The following SERPINI1 variants were observed in gnomAD, a reference collection of about 807,000 sequenced individuals.
SERPINI1 encodes neuroserpin.
In SERPINI1, 19 loss-of-function variants were observed where a neutral mutation model predicts 41.1. The observed-to-expected ratio is 0.46, with a 90% CI of 0.32 to 0.68. The LOEUF is 0.68. Ranked by LOEUF, SERPINI1 falls within the 30% of genes least tolerant of loss-of-function variation. The pLI is 0.03. For missense variants in SERPINI1, 460 were observed against 479.2 expected (o/e 0.96, Z 0.37); for synonymous variants, 138 against 156.6 (o/e 0.88, Z 0.89).
chr3:167,824,911 T>A (rs1712462277), intron 8 of SERPINI1, among the ~76,000 whole-genome samples: 1 of 152,070 alleles, frequency 6.6e-6, no homozygotes, highest in Non-Finnish European at 1.5e-5. Context: ...CCAGGCATGG[T>A]GGCACATGCC....
At chr3:167,763,101 A>G (rs1219869826) in intron 1 of SERPINI1, among the ~76,000 whole-genome samples, 1 of 152,146 alleles carries the variant, frequency 6.6e-6, no homozygotes, top group East Asian at 1.9e-4. Context: ...CATTCAGCAA[A>G]CATTGAGTGC....
At chr3:167,786,559 T>C (rs1194926554) in intron 1 of SERPINI1, among the ~76,000 whole-genome samples, 1 of 148,948 alleles carries the variant, frequency 6.7e-6, no homozygotes, top group Non-Finnish European at 1.5e-5. Flanking sequence ...GATGTACCTG[T>C]AAAGGACACT....
chr3:167,794,715 T>C lies in SERPINI1; in HGVS notation c.772T>C (p.Ser258Pro). 1 of 1,613,730 alleles carries C rather than the reference T, an allele frequency of 6.2e-7. No homozygotes were observed. Among genetic ancestry groups the C allele is most frequent in the Non-Finnish European group, 8.5e-7 (1 of 1,179,808 alleles). ...TGAAATAAGCATGATGCTGGTGCTG[T>C]CCAGACAGGAAGTTCCTCTTGCTAC... ...GDEISMMLVL[S>P]RQEVPLATLE... Residue 258 changes from serine (S) to proline (P), a missense_variant, in exon 5 of 9, where the codon TCC (serine) becomes CCC (proline). Ser to Pro is a moderately conservative substitution (Grantham distance 74). Transcript: ENST00000446050.
intron 1 of SERPINI1, among the ~76,000 whole-genome samples, chr3:167,770,834 T>G (rs1317543747): frequency 6.6e-6 from 1 of 152,196 alleles, no homozygotes; most frequent in Non-Finnish European, 1.5e-5. Context: ...CAGCTCTCAC[T>G]AACCTTTATT....
At chr3:167,745,293 A>G (rs970609647) in intron 1 of SERPINI1, among the ~76,000 whole-genome samples, 40 of 152,056 alleles carry the variant, frequency 2.6e-4, no homozygotes, top group African/African-American at 9.4e-4. Flanking sequence ...ATTACATACT[A>G]TATCAATGAA....
intron 6 of SERPINI1, among the ~76,000 whole-genome samples, chr3:167,817,842 G>A (rs1712164173): frequency 6.6e-6 from 1 of 151,776 alleles, no homozygotes; most frequent in African/African-American, 2.4e-5. Context: ...CTTGTAATCT[G>A]CCCACCTCGG....
intron 6 of SERPINI1, among the ~76,000 whole-genome samples, chr3:167,812,935 C>T (rs140610881): frequency 1.1e-3 from 161 of 152,258 alleles, no homozygotes; most frequent in Non-Finnish European, 1.6e-3. Context: ...AAATGGATGA[C>T]TGTCAGCATT....
chr3:167,750,909 G>A (rs1234157303), intron 1 of SERPINI1, among the ~76,000 whole-genome samples: 1 of 151,962 alleles, frequency 6.6e-6, no homozygotes, highest in African/African-American at 2.4e-5. Flanking sequence ...CTTCAACTAT[G>A]AATTCTCTTG....
intron 1 of SERPINI1, among the ~76,000 whole-genome samples, chr3:167,775,590 A>C (rs142279694): frequency 6.6e-6 from 1 of 152,280 alleles, no homozygotes; most frequent in African/African-American, 2.4e-5. Context: ...CAACTTTTAA[A>C]ATTTTATTAC....
chr3:167,749,186 T>A (rs1725963481), intron 1 of SERPINI1, among the ~76,000 whole-genome samples: 1 of 152,192 alleles, frequency 6.6e-6, no homozygotes, highest in African/African-American at 2.4e-5. Context: ...AAATACTGAA[T>A]CTCATTTCCT....
chr3:167,779,608 C>T (rs1727058514), intron 1 of SERPINI1, among the ~76,000 whole-genome samples: 1 of 152,088 alleles, frequency 6.6e-6, no homozygotes, highest in South Asian at 2.1e-4. Context: ...TTCGATAATA[C>T]CTAGTTTTCA....
At chr3:167,807,014 A>T (rs1577429507) in intron 5 of SERPINI1, among the ~76,000 whole-genome samples, 1 of 152,136 alleles carries the variant, frequency 6.6e-6, no homozygotes, top group Non-Finnish European at 1.5e-5. Flanking sequence ...TTGTGTCTAT[A>T]TCATATATTT....
intron 1 of SERPINI1, among the ~76,000 whole-genome samples, chr3:167,763,103 A>G (rs545062583): frequency 6.6e-6 from 1 of 152,246 alleles, no homozygotes; most frequent in East Asian, 1.9e-4. Flanking sequence ...TTCAGCAAAC[A>G]TTGAGTGCAG....
chr3:167,790,350 C>G, intron 2 of SERPINI1, 22 bp from the exon 3 acceptor site: 1 of 1,516,556 alleles, frequency 6.6e-7, no homozygotes, highest in Non-Finnish European at 9.2e-7. Context: ...TACAAATAAA[C>G]TTATCCTTTC....
At chr3:167,785,902 G>A (rs1727287247) in intron 1 of SERPINI1, among the ~76,000 whole-genome samples, 1 of 152,124 alleles carries the variant, frequency 6.6e-6, no homozygotes, top group Non-Finnish European at 1.5e-5. Context: ...TAATTGCTTG[G>A]TCTTACACAC....
Position 167,789,197 on chromosome 3 carries a change from G to C in SERPINI1, c.69G>C (p.Glu23Asp), listed in dbSNP as rs563633471. The C allele has an allele frequency of 6.2e-7, 1 of 1,614,148 alleles. No homozygotes were observed. The highest frequency in any genetic ancestry group is 1.1e-5 in the South Asian group (1 of 91,080). Residue 23 changes from glutamate (E) to aspartate (D), a missense_variant, in exon 2 of 9, where the codon GAG becomes GAC. Transcript: ENST00000446050. ...TGGCTACAGGGGCCACTTTCCCTGA[G>C]GAAGCCATTGCTGACTTGTCAGTGA... ...QSMATGATFP[E>D]EAIADLSVNM...
chr3:167,745,879 A>C (rs2108531694), intron 1 of SERPINI1, among the ~76,000 whole-genome samples: 1 of 152,312 alleles, frequency 6.6e-6, no homozygotes, highest in South Asian at 2.1e-4. Flanking sequence ...CAAAAACACC[A>C]AATGATGTAC....
chr3:167,792,601 G>T lies in SERPINI1; in HGVS notation c.493G>T (p.Asp165Tyr). 1 of 1,613,380 alleles carries T rather than the reference G, an allele frequency of 6.2e-7. No individual in the cohort carries two copies. Among genetic ancestry groups the T allele is most frequent in the Non-Finnish European group, 8.5e-7 (1 of 1,179,700 alleles). Reference sequence around the variant, plus strand: ...TTTTTCCTAAATAGATCTGGTGAAAGATTTGGTATCCCCAAGGGATTTTGA... The same window carrying T: ...TTTTTCCTAAATAGATCTGGTGAAATATTTGGTATCCCCAAGGGATTTTGA... ...VENNTNNLVK[D>Y]LVSPRDFDAA... Residue 165 changes from aspartate to tyrosine, a missense_variant, in exon 4 of 9, where the codon GAT becomes TAT. By Grantham distance (160) the Asp-to-Tyr change is radical (BLOSUM62 -3). Transcript: ENST00000446050.
At chr3:167,794,561 GC>G in intron 4 of SERPINI1, 58 bp from the exon 5 acceptor site, 2 of 1,425,436 alleles carry the variant, frequency 1.4e-6, no homozygotes, top group Non-Finnish European at 2.0e-6. Context: ...TTCATCTCTC[GC>G]CCCCAGCTTT....
Sources: allele counts gnomAD v4.1 joint callset (sites outside exome capture counted in the v4.1 genomes callset), GRCh38; gene constraint gnomAD v4.1.1; transcripts MANE v1.5; gene names NCBI Gene and HGNC (gene_info 2026-07-23, HGNC 2026-07-21).